The following STXBP6 variants were observed in gnomAD, a reference collection of about 807,000 sequenced individuals.
STXBP6 encodes the protein syntaxin-binding protein 6.
STXBP6 carries 21 observed loss-of-function variants against 26.9 expected under a neutral mutation model. The ratio of observed to expected loss-of-function variants is 0.78; its 90% CI spans 0.55 to 1.12. The LOEUF is 1.12. STXBP6 is among the 50% of genes most tolerant of loss of function. STXBP6 has a pLI of 0.00. For synonymous variants in STXBP6, 97 were observed against 92.6 expected, an observed-to-expected ratio of 1.05 and a Z score of -0.27; for missense variants, 232 against 257.9, an observed-to-expected ratio of 0.90 and a Z score of 0.69.
chr14:24,917,203 G>A (rs555481910), intron 2 of STXBP6, among the ~76,000 whole-genome samples: 17 of 151,956 alleles, frequency 1.1e-4, no homozygotes, highest in Admixed American at 9.2e-4. Context: ...TTAACAACTC[G>A]GCACAATTTT....
Position 24,829,653 on chromosome 14 carries a change from T to C in STXBP6, c.452-10459A>G, listed in dbSNP as rs563494247. 9.2e-5 allele frequency among the ~76,000 whole-genome samples: 14 copies of C among 152,148 alleles called. No individual in the cohort carries two copies. The South Asian group carries it at 2.5e-3, about 27-fold the overall frequency. On this transcript the variant is annotated intron_variant, in intron 4 of 5. Coordinates refer to ENST00000323944, the MANE Select transcript of STXBP6 (RefSeq NM_001394410.1). ...ATCAGATGTCATTCCACCTTTTACATTTCCCTGCTGGTTTGTTTATTCATT... is the reference window on the plus strand; with the variant it reads ...ATCAGATGTCATTCCACCTTTTACACTTCCCTGCTGGTTTGTTTATTCATT...
intron 4 of STXBP6, among the ~76,000 whole-genome samples, chr14:24,841,379 C>T (rs2068778801): frequency 6.6e-6 from 1 of 152,030 alleles, no homozygotes; most frequent in African/African-American, 2.4e-5. Context: ...TCCCTTTGTC[C>T]CAAGTGTTCT....
intron 4 of STXBP6, among the ~76,000 whole-genome samples, chr14:24,838,301 A>G (rs2068682324): frequency 6.6e-6 from 1 of 152,182 alleles, no homozygotes; most frequent in Non-Finnish European, 1.5e-5. Context: ...GTGTGTCACT[A>G]TGCCCAGCAA....
intron 2 of STXBP6, among the ~76,000 whole-genome samples, chr14:24,880,430 A>T (rs2070316807): frequency 6.6e-6 from 1 of 152,210 alleles, no homozygotes; most frequent in Non-Finnish European, 1.5e-5. Flanking sequence ...GGTACAACAG[A>T]GGCTTGTCTC....
intron 1 of STXBP6, among the ~76,000 whole-genome samples, chr14:25,019,035 C>T (rs11159034): frequency 0.47 from 71,151 of 152,050 alleles, 18,933 homozygotes; most frequent in African/African-American, 0.74. Context: ...ATCTTCCACA[C>T]TTTTTACTAT....
chr14:25,023,629 C>G (rs919342858), intron 1 of STXBP6, among the ~76,000 whole-genome samples: 4 of 151,808 alleles, frequency 2.6e-5, no homozygotes, highest in African/African-American at 4.8e-5. Context: ...GGCAACATAG[C>G]AAGACCCCGT....
At chr14:24,822,243 A>G (rs889210940) in intron 4 of STXBP6, among the ~76,000 whole-genome samples, 1 of 152,098 alleles carries the variant, frequency 6.6e-6, no homozygotes, top group African/African-American at 2.4e-5. Flanking sequence ...CCAGCCGGAA[A>G]TCTGGGAGTC....
At chr14:24,955,826 G>A (rs955857230) in intron 2 of STXBP6, among the ~76,000 whole-genome samples, 4 of 152,146 alleles carry the variant, frequency 2.6e-5, no homozygotes, top group East Asian at 1.9e-4. Context: ...CACCTACTGC[G>A]TGCCAGGAAA....
intron 1 of STXBP6, among the ~76,000 whole-genome samples, chr14:24,996,362 A>C (rs1477272549): frequency 1.3e-5 from 2 of 152,040 alleles, no homozygotes; most frequent in African/African-American, 4.8e-5. Context: ...TTCCTTGGTA[A>C]ACTTGCAACT....
rs2070116232 is a variant in STXBP6 at position 24,875,738 on chromosome 14, A to C, written c.155-18581T>G. On this transcript the variant is annotated intron_variant, in intron 2 of 5. Transcript: ENST00000323944. ...AGCAGTGTGACTATTCTTCTGGAAA[A>C]ATCTGAAGGCACAAATAACATTCAT... is the stretch of plus-strand genomic sequence containing the variant. Among the ~76,000 whole-genome samples the C allele has an allele frequency of 2.6e-5, 4 of 152,326 alleles. No individual in the cohort carries two copies. The South Asian group carries it at 8.3e-4, about 32-fold the overall frequency.
chr14:25,030,477 C>CT (rs2075432642), intron 1 of STXBP6, among the ~76,000 whole-genome samples: 1 of 152,174 alleles, frequency 6.6e-6, no homozygotes, highest in Non-Finnish European at 1.5e-5. Flanking sequence ...AATCATGACT[C>CT]TAAGACCTTG....
intron 1 of STXBP6, among the ~76,000 whole-genome samples, chr14:25,002,204 T>C (rs1349947065): frequency 6.6e-6 from 1 of 152,220 alleles, no homozygotes; most frequent in Non-Finnish European, 1.5e-5. Context: ...TTCAGGATAC[T>C]ATAAGTGAAT....
chr14:24,990,932 G>C (rs915651755), intron 1 of STXBP6, among the ~76,000 whole-genome samples: 2 of 151,396 alleles, frequency 1.3e-5, no homozygotes, highest in Non-Finnish European at 2.9e-5. Flanking sequence ...GGAGGAGAGA[G>C]CAGAGGAGGA....
At chr14:24,825,143 T>C (rs1295884161) in intron 4 of STXBP6, among the ~76,000 whole-genome samples, 1 of 152,200 alleles carries the variant, frequency 6.6e-6, no homozygotes, top group Non-Finnish European at 1.5e-5. Flanking sequence ...AGGTATGGTA[T>C]GCAGAGCTTC....
chr14:24,951,738 A>AT (rs950125966), intron 2 of STXBP6, among the ~76,000 whole-genome samples: 3 of 152,098 alleles, frequency 2.0e-5, no homozygotes, highest in African/African-American at 7.2e-5. Context: ...ATAATTATAT[A>AT]TTTATATTTC....
chr14:24,964,716 A>G (rs2073676489), intron 2 of STXBP6, among the ~76,000 whole-genome samples: 1 of 151,126 alleles, frequency 6.6e-6, no homozygotes, highest in South Asian at 2.1e-4. Flanking sequence ...AGAGCTGGAG[A>G]AACAAGAACC....
At chr14:24,922,260 C>T (rs2072006902) in intron 2 of STXBP6, among the ~76,000 whole-genome samples, 2 of 151,956 alleles carry the variant, frequency 1.3e-5, no homozygotes, top group African/African-American at 4.8e-5. Context: ...AAACCAACTC[C>T]CTAGCTCTAT....
intron 2 of STXBP6, among the ~76,000 whole-genome samples, chr14:24,874,315 C>A (rs1205372154): frequency 6.6e-6 from 1 of 152,048 alleles, no homozygotes. Flanking sequence ...AGTGCTTATG[C>A]CCTAATTTCA....
intron 2 of STXBP6, among the ~76,000 whole-genome samples, chr14:24,935,687 C>T (rs770753441): frequency 6.6e-5 from 10 of 152,090 alleles, no homozygotes; most frequent in African/African-American, 2.4e-4. Flanking sequence ...TGTCTACTTT[C>T]GAACACACTT....
Sources: allele counts gnomAD v4.1 joint callset (sites outside exome capture counted in the v4.1 genomes callset), GRCh38; gene constraint gnomAD v4.1.1; transcripts MANE v1.5; gene names NCBI Gene and HGNC (gene_info 2026-07-23, HGNC 2026-07-21).